Variants in EVA1A observed in about 807,000 individuals in gnomAD.
EVA1A encodes eva-1 homolog A, regulator of programmed cell death.
In EVA1A, 7 loss-of-function variants were observed where a neutral mutation model predicts 9.8. The ratio of observed to expected loss-of-function variants is 0.71; its 90% CI spans 0.41 to 1.34. EVA1A has a LOEUF of 1.34. EVA1A is among the 40% of genes most tolerant of loss of function. The pLI is 0.01. For missense variants in EVA1A, 206 were observed against 205.9 expected, an observed-to-expected ratio of 1.00 and a Z score of 0.00; for synonymous variants, 90 against 85.6, an observed-to-expected ratio of 1.05 and a Z score of -0.28.
At chr2:75,534,720 G>A (rs1282980233) in intron 1 of EVA1A, among the ~76,000 whole-genome samples, 1 of 152,118 alleles carries the variant, frequency 6.6e-6, no homozygotes, top group Non-Finnish European at 1.5e-5. Flanking sequence ...TTGTTACTCT[G>A]TTAATATTTC....
chr2:75,498,816 T>TAAA (rs1491286690), intron 3 of EVA1A, among the ~76,000 whole-genome samples: 10 of 140,514 alleles, frequency 7.1e-5, no homozygotes, highest in African/African-American at 2.2e-4. Context: ...TTTTTTTTTT[T>TAAA]AAAAAGATGG....
intron 3 of EVA1A, among the ~76,000 whole-genome samples, chr2:75,514,373 G>T (rs1558676756): frequency 6.6e-6 from 1 of 152,150 alleles, no homozygotes; most frequent in South Asian, 2.1e-4. Flanking sequence ...AATTTGAAAT[G>T]CTTATAGCAC....
At chr2:75,525,789 CT>C (rs1675412979) in intron 1 of EVA1A, among the ~76,000 whole-genome samples, 1 of 152,198 alleles carries the variant, frequency 6.6e-6, no homozygotes, top group Non-Finnish European at 1.5e-5. Flanking sequence ...TGATATGGTC[CT>C]AGTCAAGACT....
In EVA1A at chr2:75,512,449, G is replaced by A. The variant is rs77133514; in HGVS notation, c.85+5607C>T. On this transcript the variant is annotated intron_variant, in intron 3 of 3. Coordinates refer to ENST00000393913, the MANE Select transcript of EVA1A (RefSeq NM_001135032.2). Reference sequence around the variant, plus strand: ...AGAGAGTTCTGCAGACTGGGAGGGAGTCAGCCAGTCCAGGACTAAAAGGGA... The same window carrying A: ...AGAGAGTTCTGCAGACTGGGAGGGAATCAGCCAGTCCAGGACTAAAAGGGA... Among the ~76,000 whole-genome samples the A allele has an allele frequency of 2.1e-3, 320 of 152,248 alleles. 10 individuals carry two copies. In the East Asian group the frequency reaches 0.051, roughly 24 times the overall value.
chr2:75,552,939 A>G (rs1017412351), intron 1 of EVA1A, among the ~76,000 whole-genome samples: 4 of 152,134 alleles, frequency 2.6e-5, no homozygotes, highest in African/African-American at 9.7e-5. Flanking sequence ...ATTAGAACAA[A>G]ACTTTGACCC....
rs559967483 is a variant in EVA1A, at chr2:75,560,307, A to C, written c.-192+373T>G. On this transcript the variant is annotated intron_variant, in intron 1 of 3. Coordinates refer to ENST00000393913, the MANE Select transcript of EVA1A (RefSeq NM_001135032.2). ...GGTCCGCCCCGCGCAGGCTTGGGAT[A>C]GAAGCCAGTCAGGCTCAGCCCAGCT... Among the ~76,000 whole-genome samples, 949 of 152,306 alleles carry C rather than the reference A, an allele frequency of 6.2e-3. 11 individuals are homozygous for C. Among genetic ancestry groups the C allele is most frequent in the South Asian group, 0.028 (134 of 4,820 alleles).
intron 3 of EVA1A, among the ~76,000 whole-genome samples, chr2:75,509,351 C>A (rs1238613872): frequency 6.6e-6 from 1 of 152,060 alleles, no homozygotes; most frequent in Non-Finnish European, 1.5e-5. Context: ...TGAAAAGATA[C>A]CCGCTACTTA....
chr2:75,521,673 G>C (rs922493672), intron 2 of EVA1A, among the ~76,000 whole-genome samples: 1 of 152,204 alleles, frequency 6.6e-6, no homozygotes, highest in African/African-American at 2.4e-5. Flanking sequence ...GCAGGGAAAA[G>C]ATAATTATTG....
intron 1 of EVA1A, among the ~76,000 whole-genome samples, chr2:75,531,676 T>A (rs565575518): frequency 6.6e-6 from 1 of 152,126 alleles, no homozygotes; most frequent in South Asian, 2.1e-4. Context: ...AAACCATACA[T>A]TGTATGTTCT....
intron 3 of EVA1A, among the ~76,000 whole-genome samples, chr2:75,498,378 A>G (rs1386032080): frequency 6.6e-6 from 1 of 152,168 alleles, no homozygotes; most frequent in Non-Finnish European, 1.5e-5. Flanking sequence ...CCTATCAGGT[A>G]CTACGCTCAC....
chr2:75,527,227 C>T (rs927973057), intron 1 of EVA1A, among the ~76,000 whole-genome samples: 1 of 152,218 alleles, frequency 6.6e-6, no homozygotes, highest in African/African-American at 2.4e-5. Context: ...ATAGCCTAGA[C>T]TTTCACCCTT....
At chr2:75,518,323 T>G in intron 2 of EVA1A, 115 bp from the exon 3 acceptor site, 1 of 1,148,216 alleles carries the variant, frequency 8.7e-7, no homozygotes, top group Non-Finnish European at 1.2e-6. Flanking sequence ...GCAGGTGTCC[T>G]TTGGGGCTTT....
chr2:75,546,401 G>C (rs115131797), intron 1 of EVA1A, among the ~76,000 whole-genome samples: 15 of 152,262 alleles, frequency 9.9e-5, no homozygotes, highest in African/African-American at 3.6e-4. Flanking sequence ...AGGGAAAGAA[G>C]AGGCTGGGGG....
chr2:75,551,844 G>A (rs550315983), intron 1 of EVA1A, among the ~76,000 whole-genome samples: 17 of 152,118 alleles, frequency 1.1e-4, no homozygotes, highest in African/African-American at 2.9e-4. Context: ...ATAACCCTCC[G>A]TAACCAACTG....
intron 3 of EVA1A, among the ~76,000 whole-genome samples, chr2:75,499,521 G>A (rs1387325938): frequency 6.6e-6 from 1 of 152,144 alleles, no homozygotes; most frequent in East Asian, 1.9e-4. Context: ...GCAAAATGAA[G>A]CCCATTTGCT....
chr2:75,508,096 C>T (rs1674681556), intron 3 of EVA1A, among the ~76,000 whole-genome samples: 1 of 152,200 alleles, frequency 6.6e-6, no homozygotes, highest in Admixed American at 6.5e-5. Flanking sequence ...TTACTTTTAT[C>T]TCAATCCTGT....
At chr2:75,513,290 A>G (rs2103828967) in intron 3 of EVA1A, among the ~76,000 whole-genome samples, 1 of 152,286 alleles carries the variant, frequency 6.6e-6, no homozygotes, top group South Asian at 2.1e-4. Context: ...CCTAAAATCT[A>G]CTGTCTTAGC....
chr2:75,516,402 G>A (rs903599667), intron 3 of EVA1A, among the ~76,000 whole-genome samples: 5 of 151,994 alleles, frequency 3.3e-5, no homozygotes, highest in African/African-American at 9.7e-5. Context: ...ATCTCAGCCC[G>A]TACTTACTTA....
At chr2:75,559,990 C>T (rs1280478116) in intron 1 of EVA1A, among the ~76,000 whole-genome samples, 1 of 152,202 alleles carries the variant, frequency 6.6e-6, no homozygotes, top group African/African-American at 2.4e-5. Flanking sequence ...ATCCTCATTT[C>T]CTCCATGTCC....
Sources: allele counts gnomAD v4.1 joint callset (sites outside exome capture counted in the v4.1 genomes callset), GRCh38; gene constraint gnomAD v4.1.1; transcripts MANE v1.5; gene names NCBI Gene and HGNC (gene_info 2026-07-23, HGNC 2026-07-21).